The following RRAGB variants were observed in gnomAD, a reference collection of about 807,000 sequenced individuals.
The protein encoded by RRAGB is ras-related GTP-binding protein B.
A neutral mutation model predicts 29.3 loss-of-function variants in RRAGB; 6 were observed. The ratio of observed to expected loss-of-function variants is 0.21; its 90% CI spans 0.11 to 0.40. The LOEUF (loss-of-function observed/expected upper bound fraction) is 0.40. Among genes scored for constraint, RRAGB ranks in the 10% least tolerant of loss-of-function variants. The pLI is 1.00. For synonymous variants in RRAGB, 101 were observed against 92.5 expected (o/e 1.09, Z -0.53); for missense variants, 184 against 272.9 (o/e 0.67, Z 2.29).
chrX:55,741,367 A>G (rs2034065112), intron 5 of RRAGB, among the ~76,000 whole-genome samples: 1 of 112,142 alleles, frequency 8.9e-6, no homozygotes, highest in Admixed American at 9.4e-5. Context: ...TTGAACTCGA[A>G]TAAGAAAATC....
At chrX:55,739,523 A>G (rs2033978849) in intron 5 of RRAGB, among the ~76,000 whole-genome samples, 1 of 111,765 alleles carries the variant, frequency 8.9e-6, no homozygotes, top group Non-Finnish European at 1.9e-5. Flanking sequence ...AGTGCTGGGT[A>G]GGGTTAAGGT....
intron 7 of RRAGB, chrX:55,755,336 A>C: frequency 1.3e-6 from 1 of 752,715 alleles, no homozygotes; most frequent in Non-Finnish European, 1.6e-6. Context: ...GTGGGTGTCC[A>C]TCCTGAATAA....
chrX:55,747,410 C>T (rs1426832063), intron 5 of RRAGB, among the ~76,000 whole-genome samples: 3 of 111,803 alleles, frequency 2.7e-5, no homozygotes, highest in African/African-American at 9.8e-5. Flanking sequence ...TTTCATCAGT[C>T]TCAGCTCTGC....
At chrX:55,732,631 T>C (rs2033722873) in intron 5 of RRAGB, among the ~76,000 whole-genome samples, 1 of 112,103 alleles carries the variant, frequency 8.9e-6, no homozygotes, top group Non-Finnish European at 1.9e-5. Context: ...TTTGAAGGGT[T>C]CCATATTTGA....
chrX:55,752,767 G>C (rs942194739), intron 6 of RRAGB, among the ~76,000 whole-genome samples: 1 of 111,945 alleles, frequency 8.9e-6, no homozygotes, highest in Non-Finnish European at 1.9e-5. Flanking sequence ...GCTTACATTA[G>C]TCATACTCCT....
At position 55,756,028 on chromosome X, in the gene RRAGB, T is replaced by G. The variant is rs2034649269; in HGVS notation, c.827+96T>G. On this transcript the variant is annotated intron_variant, in intron 8 of 9. Coordinates refer to ENST00000374941, the MANE Select transcript of RRAGB (RefSeq NM_006064.5). ...AACTATAGTTAACTGTACTTCTATA[T>G]TCAGAATAGTTCCTTCAATCAAAGA... 12 of 533,033 alleles carry G rather than the reference T, an allele frequency of 2.3e-5. No individual in the cohort carries two copies. In the South Asian group the frequency reaches 5.1e-4, roughly 23 times the overall value. The allele number at this position is 533,033 out of a possible 1,213,427, so 43.9% of individuals were successfully genotyped here.
At position 55,753,485 on chromosome X, in the gene RRAGB, G is replaced by A. The variant is rs1569256197; in HGVS notation, c.706G>A (p.Val236Ile). 8.3e-7 allele frequency: 1 copy of A among 1,199,058 alleles called. No individual in the cohort carries two copies. Among genetic ancestry groups the A allele is most frequent in the East Asian group, 3.0e-5 (1 of 33,662 alleles). Reference protein sequence around the residue: ...NFAEIIEADEVLLFERATFLV... With the variant: ...NFAEIIEADEILLFERATFLV... ...TGCTGAAATTATCGAAGCTGATGAA[G>A]TACTTCTTTTTGAGAGAGCTACTTT... Residue 236 changes from valine to isoleucine, a missense_variant, in exon 7 of 10, where the codon GTA (valine) becomes ATA (isoleucine). Transcript: ENST00000374941.
chrX:55,752,426 C>T (rs1351179652), intron 6 of RRAGB: 3 of 677,161 alleles, frequency 4.4e-6, no homozygotes, highest in Non-Finnish European at 3.5e-6. Context: ...GACATTAACA[C>T]CGACCTGGGA....
At chrX:55,754,440 T>A (rs2034606165) in intron 7 of RRAGB, among the ~76,000 whole-genome samples, 1 of 112,954 alleles carries the variant, frequency 8.9e-6, no homozygotes, top group African/African-American at 3.2e-5. Flanking sequence ...ACTGCATAAG[T>A]AATTGCTAAT....
chrX:55,723,026 C>T (rs1294761937), intron 3 of RRAGB, among the ~76,000 whole-genome samples: 2 of 111,472 alleles, frequency 1.8e-5, no homozygotes, highest in African/African-American at 6.5e-5. Flanking sequence ...ATTTTAAAAA[C>T]ACAGTATGTT....
rs1336055977 is a variant in RRAGB at position 55,742,335 on chromosome X, A to G, written c.517-8766A>G. Among the ~76,000 whole-genome samples the G allele has an allele frequency of 1.1e-4, 12 of 112,557 alleles. No individual in the cohort carries two copies. In the East Asian group the frequency reaches 3.4e-3, roughly 31 times the overall value. Reference sequence around the variant, plus strand: ...CACAGCACTCACCTCAGCTTGTTGTATATTCTCTGGTGGGGTGACCCAAAG... The same window carrying G: ...CACAGCACTCACCTCAGCTTGTTGTGTATTCTCTGGTGGGGTGACCCAAAG... On this transcript the variant is annotated intron_variant, in intron 5 of 9. Transcript: ENST00000374941.
chrX:55,729,461 A>G, intron 4 of RRAGB, 101 bp downstream of exon 4: 1 of 486,493 alleles, frequency 2.1e-6, no homozygotes, highest in Non-Finnish European at 3.6e-6. Flanking sequence ...ATCATTTGTA[A>G]TAGATTGGAT....
chrX:55,746,189 C>T (rs192319831), intron 5 of RRAGB, among the ~76,000 whole-genome samples: 8 of 111,056 alleles, frequency 7.2e-5, no homozygotes, highest in African/African-American at 9.8e-5. Flanking sequence ...ATTGAGAAGC[C>T]GTGAGTCTCC....
chrX:55,732,367 A>G (rs964079923), intron 5 of RRAGB, among the ~76,000 whole-genome samples: 3 of 111,956 alleles, frequency 2.7e-5, no homozygotes, highest in African/African-American at 6.5e-5. Context: ...GGTCTATGCT[A>G]AAAGAGAAGA....
At chrX:55,739,091 A>C (rs1408096655) in intron 5 of RRAGB, among the ~76,000 whole-genome samples, 1 of 113,020 alleles carries the variant, frequency 8.8e-6, no homozygotes, top group Non-Finnish European at 1.9e-5. Context: ...GGTAGGTATC[A>C]CATCCACAGT....
At chrX:55,732,201 G>T (rs2033706617) in intron 5 of RRAGB, among the ~76,000 whole-genome samples, 1 of 111,439 alleles carries the variant, frequency 9.0e-6, no homozygotes, top group Non-Finnish European at 1.9e-5. Flanking sequence ...AACCAAAATA[G>T]CCCTGAGAAG....
At chrX:55,731,644 G>A (rs1602026910) in intron 5 of RRAGB, 58 bp downstream of exon 5, 1 of 799,484 alleles carries the variant, frequency 1.3e-6, no homozygotes, top group Non-Finnish European at 1.8e-6. Context: ...AACTTATTTT[G>A]TAGAGGTATA....
intron 1 of RRAGB, 49 bp from the exon 2 acceptor site, chrX:55,719,265 T>A: frequency 9.2e-7 from 1 of 1,089,656 alleles, no homozygotes; most frequent in Non-Finnish European, 1.2e-6. Context: ...TAATTTCAAT[T>A]TCTAAGGGAA....
chrX:55,743,391 A>G (rs1290746334), intron 5 of RRAGB, among the ~76,000 whole-genome samples: 2 of 112,406 alleles, frequency 1.8e-5, no homozygotes, highest in African/African-American at 6.5e-5. Flanking sequence ...GGATAGTGCC[A>G]TATCAGGGAC....
Sources: allele counts gnomAD v4.1 joint callset (sites outside exome capture counted in the v4.1 genomes callset), GRCh38; gene constraint gnomAD v4.1.1; transcripts MANE v1.5; gene names NCBI Gene and HGNC (gene_info 2026-07-23, HGNC 2026-07-21).